DOCK6: variants seen among roughly 807,000 people sequenced by gnomAD.
DOCK6 encodes the protein dedicator of cytokinesis 6, also known as dedicator of cytokinesis protein 6.
In DOCK6, 167 loss-of-function variants were observed where a neutral mutation model predicts 230.3. The ratio of observed to expected loss-of-function variants is 0.73; its 90% confidence interval spans 0.64 to 0.82. The LOEUF is 0.82. DOCK6 is among the 40% of genes least tolerant of loss of function. The pLI is 0.00. For missense variants in DOCK6, 2,598 were observed against 2,825.8 expected, an observed-to-expected ratio of 0.92 and a Z score of 1.83; for synonymous variants, 1,148 against 1,185.0, an observed-to-expected ratio of 0.97 and a Z score of 0.64.
At chr19:11,228,551 G>A (rs576247707) in intron 23 of DOCK6, among the ~76,000 whole-genome samples, 2 of 147,222 alleles carry the variant, frequency 1.4e-5, no homozygotes, top group Non-Finnish European at 3.0e-5. Flanking sequence ...AATTTCAGGG[G>A]GCTTCTCTCT....
chr19:11,216,269 G>A (rs1054316932), intron 30 of DOCK6: 4 of 193,944 alleles, frequency 2.1e-5, no homozygotes, highest in East Asian at 1.4e-4. Context: ...TGTATTTTTC[G>A]TAGAGATGGG....
At chr19:11,248,415 TA>T (rs1409239323) in intron 6 of DOCK6, among the ~76,000 whole-genome samples, 23 of 151,924 alleles carry the variant, frequency 1.5e-4, no homozygotes, top group African/African-American at 5.6e-4. Context: ...TATAGAAGCT[TA>T]TTTTTTTTTT....
intron 6 of DOCK6, among the ~76,000 whole-genome samples, chr19:11,249,409 G>C (rs1405827888): frequency 6.6e-6 from 1 of 151,976 alleles, no homozygotes; most frequent in Non-Finnish European, 1.5e-5. Flanking sequence ...TACTCAGGAG[G>C]CTGAGGCAGA....
intron 18 of DOCK6, 72 bp downstream of exon 18, chr19:11,237,384 G>A (rs941970543): frequency 3.2e-6 from 5 of 1,559,952 alleles, no homozygotes; most frequent in East Asian, 2.2e-5. Flanking sequence ...GGATTGACAG[G>A]AAGGAAGGCA....
At position 11,199,395 on chromosome 19, in the gene DOCK6, C is replaced by T; in HGVS notation, c.*102G>A. On this transcript the variant is annotated 3_prime_UTR_variant, in exon 48 of 48. Transcript: ENST00000294618. The stretch of plus-strand genomic sequence containing the variant: ...GGCCCAGCCCCAAGTACAGTGTGGT[C>T]ACCCCACAGCCCAGTGGGCACCAGG... The T allele has an allele frequency of 7.2e-7, 1 of 1,388,664 alleles. No homozygotes were observed. The highest frequency in any genetic ancestry group is 1.0e-6 in the Non-Finnish European group (1 of 999,670). 86.0% of individuals were successfully genotyped at this position (1,388,664 alleles called of 1,614,324 possible). A position where few individuals can be genotyped will look rare whatever the true frequency, so the allele number is the denominator to read the frequency against.
chr19:11,237,815 G>A (rs1399031023), intron 16 of DOCK6, 36 bp from the exon 17 acceptor site: 2 of 1,539,554 alleles, frequency 1.3e-6, no homozygotes, highest in Admixed American at 2.0e-5. Context: ...GCTGGGGGCT[G>A]GGGTCCCCAC....
chr19:11,230,040 T>C (rs1174181754), intron 22 of DOCK6, among the ~76,000 whole-genome samples: 2 of 93,662 alleles, frequency 2.1e-5, no homozygotes, highest in Non-Finnish European at 3.7e-5. Flanking sequence ...CAAGACTCCA[T>C]CTCAAAAAAA....
At chr19:11,260,885 A>AAAAAAAAAAAAAAAAAAAAAG (rs1555698780) in intron 1 of DOCK6, among the ~76,000 whole-genome samples, 1 of 127,252 alleles carries the variant, frequency 7.9e-6, no homozygotes, top group Non-Finnish European at 1.6e-5. Context: ...TCTGTCTCAA[A>AAAAAAAAAAAAAAAAAAAAAG]AAAAAAAAAA....
chr19:11,243,908 T>C lies in DOCK6; in HGVS notation c.1024-26A>G. The C allele has an allele frequency of 6.3e-7, 1 of 1,589,138 alleles. No individual in the cohort carries two copies. Among genetic ancestry groups the C allele is most frequent in the South Asian group, 1.1e-5 (1 of 87,248 alleles). Reference sequence around the variant, plus strand: ...CTGCGGGGCAGATGAATGAATCCAGTGAGGCGCTGCCCGAACGCTCTGTTC... The same window carrying C: ...CTGCGGGGCAGATGAATGAATCCAGCGAGGCGCTGCCCGAACGCTCTGTTC... On this transcript the variant is annotated intron_variant, in intron 9 of 47. Transcript: ENST00000294618. The surrounding 1 kb of genome is among the most constrained non-coding windows in gnomAD (Gnocchi z 6.3).
intron 14 of DOCK6, chr19:11,241,527 A>G: frequency 6.4e-7 from 1 of 1,552,880 alleles, no homozygotes; most frequent in Non-Finnish European, 8.7e-7. Context: ...GTGGCACAGC[A>G]GCATCGGCTG....
chr19:11,223,623 CATTT>C (rs1332682312), intron 24 of DOCK6, among the ~76,000 whole-genome samples: 17 of 152,176 alleles, frequency 1.1e-4, no homozygotes, highest in Middle Eastern at 3.4e-3. Flanking sequence ...CTCTTACCAT[CATTT>C]ATTTTTATTT....
intron 9 of DOCK6, 39 bp downstream of exon 9, chr19:11,245,524 T>A: frequency 6.5e-7 from 1 of 1,529,266 alleles, no homozygotes; most frequent in Non-Finnish European, 8.9e-7. Flanking sequence ...ATCAGTGACA[T>A]TCGCCATTAC....
rs1287154731 is a variant in DOCK6 at position 11,211,865 on chromosome 19, C to T, written c.4662G>A (p.Leu1554=). The change falls in exon 37 of 48, where the codon CTG becomes CTA. Residue 1554 remains leucine, a synonymous_variant. Transcript: ENST00000294618. ...TCAGGATCATGTGCAGGTTGAACAT[C>T]AGGTCCTGGACCTGGAGCCGGGGAA... ...DSTFAEQVQD[L]MFNLHMILTD... is the part of the protein sequence containing the mutation. 40 of 1,553,168 alleles carry T rather than the reference C, an allele frequency of 2.6e-5. No homozygotes were observed. The highest frequency in any genetic ancestry group is 2.8e-5 in the Non-Finnish European group (32 of 1,147,792).
chr19:11,217,474 TG>T, intron 28 of DOCK6, 83 bp from the exon 29 acceptor site: 2 of 1,527,288 alleles, frequency 1.3e-6, no homozygotes, highest in Admixed American at 3.9e-5. Context: ...TCTTCCCTCA[TG>T]GCCAGGCACA....
At chr19:11,240,806 G>A (rs577232506) in intron 14 of DOCK6, among the ~76,000 whole-genome samples, 2 of 151,848 alleles carry the variant, frequency 1.3e-5, no homozygotes, top group East Asian at 3.9e-4. Flanking sequence ...CTGACCTCAA[G>A]GGATCTGCCT....
Position 11,213,287 on chromosome 19 carries a change from G to A in DOCK6, c.4380C>T (p.Ala1460=), listed in dbSNP as rs201460588. The part of the protein sequence containing the change: ...LLFEEDTELC[A]DLCLRLLRHC... The stretch of plus-strand genomic sequence containing the variant: ...GTCGTAGGAGCCTCAGGCACAGGTC[G>A]GCACACAGCTCCGTGTCCTCCTCGA... Residue 1460 remains alanine, a synonymous_variant, in exon 35 of 48, where the codon GCC becomes GCT. Transcript: ENST00000294618. 1.6e-5 allele frequency: 26 copies of A among 1,612,672 alleles called. No homozygotes were observed. The highest frequency in any genetic ancestry group is 1.6e-4 in the African/African-American group (12 of 75,026).
rs772712718 is a variant in DOCK6 at position 11,202,132 on chromosome 19, G to A, written c.5452-7C>T. ...ACGTGATCTGGATGTAGGCCTGGGCGCAGGGTCAGGTGTGAGGATCCCACA... is the reference window on the plus strand; with the variant it reads ...ACGTGATCTGGATGTAGGCCTGGGCACAGGGTCAGGTGTGAGGATCCCACA... On this transcript the variant is annotated splice_region_variant and splice_polypyrimidine_tract_variant and intron_variant, in intron 43 of 47. Transcript: ENST00000294618. The surrounding 1 kb of genome is among the most constrained non-coding windows in gnomAD (Gnocchi z 5.3). 15 of 1,613,270 alleles carry A rather than the reference G, an allele frequency of 9.3e-6. No individual in the cohort carries two copies. Among genetic ancestry groups the A allele is most frequent in the Admixed American group, 3.3e-5 (2 of 59,994 alleles).
chr19:11,210,093 TTCTCACCTGTCCACC>T (rs2079349848), intron 37 of DOCK6, among the ~76,000 whole-genome samples: 1 of 94,196 alleles, frequency 1.1e-5, no homozygotes, highest in African/African-American at 4.3e-5. Context: ...CCTGCCCACC[TTCTCACCTGTCCACC>T]TCTCACCTGT....
chr19:11,227,765 T>A (rs2079692677), intron 23 of DOCK6, among the ~76,000 whole-genome samples: 1 of 151,808 alleles, frequency 6.6e-6, no homozygotes, highest in Admixed American at 6.6e-5. Context: ...CGTGGGCAGA[T>A]CCTGTGAGCA....
Sources: allele counts gnomAD v4.1 joint callset (sites outside exome capture counted in the v4.1 genomes callset), GRCh38; gene constraint gnomAD v4.1.1; non-coding constraint Gnocchi (gnomAD v3.1); transcripts MANE v1.5; gene names NCBI Gene and HGNC (gene_info 2026-07-23, HGNC 2026-07-21).